WWC2: variants seen among roughly 807,000 people sequenced by gnomAD.
WWC2 encodes the protein WW and C2 domain containing 2, also known as protein WWC2.
WWC2 carries 101 observed loss-of-function variants against 138.5 expected under a neutral mutation model. The observed-to-expected ratio is 0.73, with a 90% confidence interval of 0.62 to 0.86. WWC2 has a LOEUF of 0.86. Among genes scored for constraint, WWC2 ranks in the 40% least tolerant of loss-of-function variants. WWC2 has a pLI of 0.00. For missense variants in WWC2, 1,420 were observed against 1,419.4 expected (o/e 1.00, Z -0.01); for synonymous variants, 558 against 538.4 (o/e 1.04, Z -0.50).
intron 1 of WWC2, among the ~76,000 whole-genome samples, chr4:183,176,853 TCA>T (rs1222960664): frequency 6.6e-6 from 1 of 152,190 alleles, no homozygotes; most frequent in Non-Finnish European, 1.5e-5. Flanking sequence ...AACACCGGCC[TCA>T]CACTCCAGGC....
chr4:183,204,829 T>C (rs1439247813), intron 2 of WWC2, among the ~76,000 whole-genome samples: 1 of 152,224 alleles, frequency 6.6e-6, no homozygotes, highest in Non-Finnish European at 1.5e-5. Context: ...TTGGCTTTAC[T>C]TTTGCCCGAA....
chr4:183,102,843 T>TAG (rs892843272), intron 1 of WWC2, among the ~76,000 whole-genome samples: 1 of 151,590 alleles, frequency 6.6e-6, no homozygotes, highest in Non-Finnish European at 1.5e-5. Context: ...TGGTAGGCCA[T>TAG]AGGTCTTGGC....
At chr4:183,306,072 G>GA (rs1302636003) in intron 21 of WWC2, among the ~76,000 whole-genome samples, 1 of 152,044 alleles carries the variant, frequency 6.6e-6, no homozygotes, top group Non-Finnish European at 1.5e-5. Context: ...AGTGGATTTG[G>GA]ATAGTATAAT....
chr4:183,272,512 G>T (rs926343336), intron 16 of WWC2, among the ~76,000 whole-genome samples: 2 of 152,196 alleles, frequency 1.3e-5, no homozygotes, highest in Non-Finnish European at 2.9e-5. Context: ...TCACAGAGTT[G>T]TGTGTGCAAC....
intron 1 of WWC2, among the ~76,000 whole-genome samples, chr4:183,144,508 A>G (rs1733393273): frequency 6.6e-6 from 1 of 152,218 alleles, no homozygotes; most frequent in South Asian, 2.1e-4. Context: ...TAGTACTAAA[A>G]TGTACTATGG....
At chr4:183,186,248 A>G (rs1003328148) in intron 1 of WWC2, among the ~76,000 whole-genome samples, 31 of 152,152 alleles carry the variant, frequency 2.0e-4, no homozygotes, top group African/African-American at 7.2e-4. Context: ...CTGGCCTAAC[A>G]TAGAATATTG....
intron 18 of WWC2, among the ~76,000 whole-genome samples, chr4:183,283,365 T>C (rs1450487779): frequency 3.3e-5 from 5 of 152,210 alleles, no homozygotes; most frequent in Admixed American, 3.3e-4. Flanking sequence ...AACCAAGTTA[T>C]TAAACAGGTA....
intron 21 of WWC2, among the ~76,000 whole-genome samples, chr4:183,309,444 A>G (rs1186789249): frequency 6.6e-6 from 1 of 152,250 alleles, no homozygotes; most frequent in Non-Finnish European, 1.5e-5. Context: ...ACACCTAACC[A>G]AAGCAGATGA....
At chr4:183,285,685 A>C (rs528590969) in intron 19 of WWC2, among the ~76,000 whole-genome samples, 5 of 152,232 alleles carry the variant, frequency 3.3e-5, no homozygotes, top group African/African-American at 1.2e-4. Context: ...GTGTGAACCC[A>C]GGTGGCAGAG....
intron 1 of WWC2, among the ~76,000 whole-genome samples, chr4:183,117,215 CTT>C (rs923478529): frequency 4.2e-5 from 4 of 95,670 alleles, no homozygotes; most frequent in Non-Finnish European, 4.0e-5. Context: ...CATTCTTCTT[CTT>C]TTTTTTTTTT....
chr4:183,194,183 T>A (rs1735068249), intron 2 of WWC2, among the ~76,000 whole-genome samples: 1 of 152,196 alleles, frequency 6.6e-6, no homozygotes, highest in Non-Finnish European at 1.5e-5. Flanking sequence ...CTAAACCTCT[T>A]CCTTTTTTCT....
intron 4 of WWC2, among the ~76,000 whole-genome samples, chr4:183,216,280 A>T (rs956371400): frequency 6.6e-6 from 1 of 152,196 alleles, no homozygotes; most frequent in Admixed American, 6.5e-5. Context: ...CTCAGCTTCT[A>T]CTTAATGAAG....
At chr4:183,126,741 TTTTA>T (rs1462707243) in intron 1 of WWC2, among the ~76,000 whole-genome samples, 2 of 151,968 alleles carry the variant, frequency 1.3e-5, no homozygotes, top group South Asian at 2.1e-4. Context: ...TTTTATTTTA[TTTTA>T]TTTATTTATT....
At chr4:183,315,264 T>G (rs1275203104) in intron 22 of WWC2, among the ~76,000 whole-genome samples, 2 of 152,156 alleles carry the variant, frequency 1.3e-5, no homozygotes, top group Non-Finnish European at 2.9e-5. Context: ...TGTAAAGACT[T>G]TTCCTGTTAT....
Position 183,282,899 on chromosome 4 carries a change from C to A in WWC2, c.2876C>A (p.Pro959Gln). 1 of 1,578,558 alleles carries A rather than the reference C, an allele frequency of 6.3e-7. No homozygotes were observed. Among genetic ancestry groups the A allele is most frequent in the East Asian group, 2.3e-5 (1 of 43,164 alleles). The change falls in exon 18 of 23, where the codon CCA (proline) becomes CAA (glutamine). Residue 959 changes from proline to glutamine, a missense_variant. Physicochemically the swap from Pro to Gln is moderately conservative, Grantham distance 76 (BLOSUM62 -1). Transcript: ENST00000403733. ...AGAAGTCAGCCACCTACTAGAATAC[C>A]AACACTGGTGACTATTCCGCTGTGC... ...DLRSQPPTRI[P>Q]TLVDKETNTD...
At chr4:183,179,475 G>T (rs999130335) in intron 1 of WWC2, among the ~76,000 whole-genome samples, 11 of 152,272 alleles carry the variant, frequency 7.2e-5, no homozygotes, top group African/African-American at 2.2e-4. Flanking sequence ...CGGGGCAAGA[G>T]ATGCTAATAG....
intron 1 of WWC2, among the ~76,000 whole-genome samples, chr4:183,116,478 C>T (rs186702612): frequency 1.3e-5 from 2 of 152,354 alleles, no homozygotes; most frequent in Non-Finnish European, 2.9e-5. Flanking sequence ...AGTGACTTGT[C>T]TAAGGGCACA....
chr4:183,318,929 A>G lies in WWC2; in HGVS notation c.*3200A>G, dbSNP rs1739538678. The stretch of plus-strand genomic sequence containing the variant: ...AATACAGAACACAGGATGCAGAAGC[A>G]CGTTTGTGTGGCAGAGTCTACTTGA... On this transcript the variant is annotated 3_prime_UTR_variant, in exon 23 of 23. Transcript: ENST00000403733. The G allele has an allele frequency of 6.6e-6, 1 of 152,330 alleles. No homozygotes were observed. Among genetic ancestry groups the G allele is most frequent in the Non-Finnish European group, 1.5e-5 (1 of 68,160 alleles). 9.4% of individuals were successfully genotyped at this position (152,330 alleles called of 1,614,324 possible).
chr4:183,116,842 ATTAT>A (rs1732428291), intron 1 of WWC2, among the ~76,000 whole-genome samples: 1 of 152,212 alleles, frequency 6.6e-6, no homozygotes, highest in Non-Finnish European at 1.5e-5. Context: ...CATGCACAAT[ATTAT>A]TTATTTATCC....
Sources: allele counts gnomAD v4.1 joint callset (sites outside exome capture counted in the v4.1 genomes callset), GRCh38; gene constraint gnomAD v4.1.1; transcripts MANE v1.5; gene names NCBI Gene and HGNC (gene_info 2026-07-23, HGNC 2026-07-21).